Variants in MATN2 observed in about 807,000 individuals in gnomAD.
MATN2 encodes the protein matrilin 2, also known as matrilin-2.
A neutral mutation model predicts 103.2 loss-of-function variants in MATN2; 69 were observed. That is an observed-to-expected ratio of 0.67 (90% confidence interval 0.55 to 0.82). The LOEUF is 0.82. Among genes scored for constraint, MATN2 ranks in the 40% least tolerant of loss-of-function variants. The pLI is 0.00. For missense variants in MATN2, 1,023 were observed against 1,211.5 expected (o/e 0.84, Z 2.31); for synonymous variants, 429 against 450.2 (o/e 0.95, Z 0.60).
At chr8:97,913,523 C>A (rs964957531) in intron 2 of MATN2, among the ~76,000 whole-genome samples, 2 of 152,008 alleles carry the variant, frequency 1.3e-5, no homozygotes, top group African/African-American at 4.8e-5. Flanking sequence ...CCATGTTGGC[C>A]AGGCTGGTCT....
intron 4 of MATN2, among the ~76,000 whole-genome samples, chr8:97,951,829 C>T (rs928931005): frequency 3.3e-5 from 5 of 152,154 alleles, no homozygotes; most frequent in African/African-American, 1.2e-4. Context: ...CCTCCTTTTC[C>T]CTTCCCCGAG....
chr8:97,984,289 C>G (rs779815690), intron 6 of MATN2, among the ~76,000 whole-genome samples: 3 of 152,206 alleles, frequency 2.0e-5, no homozygotes, highest in Non-Finnish European at 4.4e-5. Context: ...CTAGACTGAG[C>G]TGATATCTAT....
chr8:98,026,953 G>C (rs533633708), intron 13 of MATN2, among the ~76,000 whole-genome samples: 30 of 152,282 alleles, frequency 2.0e-4, no homozygotes, highest in Admixed American at 1.8e-3. Flanking sequence ...TACAAGCTGA[G>C]TTACTAGGAA....
At chr8:98,026,480 T>A (rs1333051881) in intron 13 of MATN2, among the ~76,000 whole-genome samples, 1 of 152,066 alleles carries the variant, frequency 6.6e-6, no homozygotes, top group African/African-American at 2.4e-5. Context: ...GTTCTTGAAC[T>A]CCTGTGCTCA....
chr8:98,018,869 A>C (rs774113061), intron 12 of MATN2, among the ~76,000 whole-genome samples: 1 of 152,010 alleles, frequency 6.6e-6, no homozygotes, highest in Non-Finnish European at 1.5e-5. Context: ...GCCAAACCAT[A>C]TCAGAGGGAT....
chr8:97,994,041 A>G (rs1812480358), intron 6 of MATN2, among the ~76,000 whole-genome samples: 1 of 150,752 alleles, frequency 6.6e-6, no homozygotes, highest in Non-Finnish European at 1.5e-5. Context: ...GAAGAAGAAG[A>G]AGGAAAGGAA....
chr8:97,916,156 A>T (rs1331214179), intron 2 of MATN2, among the ~76,000 whole-genome samples: 1 of 151,480 alleles, frequency 6.6e-6, no homozygotes, highest in Admixed American at 6.6e-5. Flanking sequence ...TGCAACCTCC[A>T]CCTCCTGGGT....
chr8:97,891,378 C>A (rs1818619672), intron 2 of MATN2, among the ~76,000 whole-genome samples: 1 of 152,074 alleles, frequency 6.6e-6, no homozygotes, highest in Non-Finnish European at 1.5e-5. Context: ...CTCACTGTCT[C>A]CCAGGCTGGA....
intron 4 of MATN2, among the ~76,000 whole-genome samples, chr8:97,950,099 T>C (rs1036321847): frequency 1.3e-5 from 2 of 152,158 alleles, no homozygotes; most frequent in Non-Finnish European, 2.9e-5. Context: ...GGTGATGATA[T>C]ATTGATAAGC....
At chr8:98,022,093 A>T (rs1813612320) in intron 13 of MATN2, among the ~76,000 whole-genome samples, 1 of 152,244 alleles carries the variant, frequency 6.6e-6, no homozygotes, top group Non-Finnish European at 1.5e-5. Flanking sequence ...AAAACTGGAA[A>T]CAAGCTAAAT....
At position 97,882,713 on chromosome 8, in the gene MATN2, A is replaced by G. The variant is rs551893413; in HGVS notation, c.-26-5362A>G. Among the ~76,000 whole-genome samples, 7 of 152,208 alleles carry G rather than the reference A, an allele frequency of 4.6e-5. No individual in the cohort carries two copies. In the East Asian group the frequency reaches 1.3e-3, roughly 29 times the overall value. ...GCCGAGCCAAGGTTCCAGTTTCTTC[A>G]CATCTTCACCAACACTTGGTTACGT... On this transcript the variant is annotated intron_variant, in intron 1 of 18. Coordinates refer to ENST00000254898, the MANE Select transcript of MATN2 (RefSeq NM_002380.5).
At chr8:97,922,674 C>T in intron 2 of MATN2, among the ~76,000 whole-genome samples, 1 of 152,088 alleles carries the variant, frequency 6.6e-6, no homozygotes, top group East Asian at 1.9e-4. Context: ...CTGCCAGGGA[C>T]TGAAAAAAAT....
At chr8:97,981,338 A>G (rs1450580136) in intron 6 of MATN2, among the ~76,000 whole-genome samples, 2 of 152,114 alleles carry the variant, frequency 1.3e-5, no homozygotes, top group Non-Finnish European at 2.9e-5. Flanking sequence ...TCCTGGGCTC[A>G]AGCAATCCTC....
chr8:98,018,440 C>T (rs1287104198), intron 12 of MATN2, among the ~76,000 whole-genome samples: 1 of 152,192 alleles, frequency 6.6e-6, no homozygotes, highest in African/African-American at 2.4e-5. Flanking sequence ...TGCCAGCAAT[C>T]ACTACAAGGA....
At chr8:98,031,213 C>G (rs1024622253) in intron 15 of MATN2, among the ~76,000 whole-genome samples, 4 of 152,098 alleles carry the variant, frequency 2.6e-5, no homozygotes, top group African/African-American at 7.2e-5. Flanking sequence ...TGGCACACAC[C>G]TGTAGTCTCA....
chr8:97,973,445 T>A (rs200619338), intron 5 of MATN2, among the ~76,000 whole-genome samples: 3 of 152,136 alleles, frequency 2.0e-5, no homozygotes, highest in East Asian at 3.8e-4. Flanking sequence ...AAACTATATA[T>A]GCAAACCCAC....
chr8:97,881,051 G>A (rs1818237877), intron 1 of MATN2, among the ~76,000 whole-genome samples: 1 of 152,164 alleles, frequency 6.6e-6, no homozygotes, highest in African/African-American at 2.4e-5. Flanking sequence ...AATGATTGTG[G>A]GGATCAAATG....
intron 5 of MATN2, among the ~76,000 whole-genome samples, chr8:97,975,227 G>A (rs115592699): frequency 0.021 from 3,139 of 152,234 alleles, 119 homozygotes; most frequent in African/African-American, 0.072. Flanking sequence ...GAATGAAAGC[G>A]TTGCTTGATC....
intron 2 of MATN2, among the ~76,000 whole-genome samples, chr8:97,896,167 T>C (rs1169037685): frequency 6.6e-6 from 1 of 152,234 alleles, no homozygotes; most frequent in Non-Finnish European, 1.5e-5. Flanking sequence ...GAATGAGACA[T>C]GCAGAAGGCT....
Sources: gnomAD v4.1 joint callset for allele counts (sites outside exome capture counted in the v4.1 genomes callset) on GRCh38, gnomAD v4.1.1 for gene constraint, MANE v1.5 for transcripts, NCBI Gene and HGNC (gene_info 2026-07-23, HGNC 2026-07-21) for gene names.